The following PHKA1 variants were observed in gnomAD, a reference collection of about 807,000 sequenced individuals.
PHKA1 encodes phosphorylase b kinase regulatory subunit alpha, skeletal muscle isoform.
A neutral mutation model predicts 110.2 loss-of-function variants in PHKA1; 60 were observed. The observed-to-expected ratio is 0.54, with a 90% CI of 0.44 to 0.68. The LOEUF (loss-of-function observed/expected upper bound fraction) is 0.68, where lower values mean the gene tolerates loss of function less well. Ranked by LOEUF, PHKA1 falls within the 30% of genes least tolerant of loss-of-function variation. PHKA1 has a pLI of 0.00. For synonymous variants in PHKA1, 316 were observed against 333.6 expected, an observed-to-expected ratio of 0.95 and a Z score of 0.58; for missense variants, 801 against 942.5, an observed-to-expected ratio of 0.85 and a Z score of 1.97.
intron 14 of PHKA1, among the ~76,000 whole-genome samples, chrX:72,639,090 AC>A (rs781812443): frequency 8.9e-6 from 1 of 112,203 alleles, no homozygotes; most frequent in Non-Finnish European, 1.9e-5. Context: ...CTGAAAGTCT[AC>A]CTTTTTAGCT....
chrX:72,682,525 C>T (rs1190727441), intron 5 of PHKA1, among the ~76,000 whole-genome samples: 7 of 108,223 alleles, frequency 6.5e-5, no homozygotes, highest in Non-Finnish European at 1.4e-4. Context: ...GGATGGTTGC[C>T]GTGTCTGTGT....
At chrX:72,649,335 T>C (rs1194230984) in intron 13 of PHKA1, among the ~76,000 whole-genome samples, 3 of 111,863 alleles carry the variant, frequency 2.7e-5, no homozygotes, top group African/African-American at 9.7e-5. Context: ...TCAAGTCTTC[T>C]ACCCTAAGAG....
At chrX:72,612,582 C>A (rs1216464442) in intron 21 of PHKA1, among the ~76,000 whole-genome samples, 2 of 111,679 alleles carry the variant, frequency 1.8e-5, no homozygotes, top group Admixed American at 1.9e-4. Context: ...TGAATTCTGG[C>A]AACAATTCAA....
intron 25 of PHKA1, 34 bp downstream of exon 25, chrX:72,605,237 G>C: frequency 1.7e-6 from 2 of 1,147,059 alleles, no homozygotes; most frequent in Non-Finnish European, 2.4e-6. Flanking sequence ...CATCAAAAGT[G>C]AATTCCACCT....
At chrX:72,608,141 C>A (rs1442889399) in intron 23 of PHKA1, among the ~76,000 whole-genome samples, 2 of 111,295 alleles carry the variant, frequency 1.8e-5, no homozygotes, top group Admixed American at 9.5e-5. Context: ...TTAGTCAGCA[C>A]GTGATAAATC....
rs2052803141 is a variant in PHKA1 at position 72,611,115 on chromosome X, C to G, written c.2439G>C (p.Leu813=). The part of the protein sequence containing the change: ...SATVRELLTE[L]YGKVGEIRHW... ...GACGAATTTCTCCCACTTTGCCATA[C>G]AGCTCGGTAAGAAGCTCTCTCACTG... Residue 813 remains leucine (L), a synonymous_variant, in exon 22 of 32, where the codon CTG becomes CTC. Transcript: ENST00000373542. The G allele has an allele frequency of 8.3e-7, 1 of 1,202,621 alleles. No individual in the cohort carries two copies. Among genetic ancestry groups the G allele is most frequent in the Non-Finnish European group, 1.1e-6 (1 of 887,545 alleles).
rs1556284713 is a variant in PHKA1 at position 72,628,581 on chromosome X, A to AAT, written c.1715-1534_1715-1533dup. Among the ~76,000 whole-genome samples, 487 of 95,479 alleles carry AAT rather than the reference A, an allele frequency of 5.1e-3. 1 individual carries two copies. The highest frequency in any genetic ancestry group is 0.018 in the East Asian group (50 of 2,775). The allele number at this position is 95,479 out of a possible 115,157, so 82.9% of individuals were successfully genotyped here. ...ATATATATATATATATTCCCATATAAATATATATATATATATTTTTTTTTT... is the reference window on the plus strand; with the variant it reads ...ATATATATATATATATTCCCATATAAATATATATATATATATATTTTTTTTTT... On this transcript the variant is annotated intron_variant, in intron 16 of 31. Coordinates refer to ENST00000373542, the MANE Select transcript of PHKA1 (RefSeq NM_002637.4).
intron 8 of PHKA1, among the ~76,000 whole-genome samples, chrX:72,661,698 A>C (rs1194065382): frequency 3.3e-4 from 33 of 100,102 alleles, no homozygotes; most frequent in African/African-American, 1.1e-3. Context: ...CAAAAAAAAA[A>C]CCCTAGGCCA....
At chrX:72,685,660 CAAT>C (rs1169931941) in intron 4 of PHKA1, among the ~76,000 whole-genome samples, 3 of 111,781 alleles carry the variant, frequency 2.7e-5, no homozygotes, top group South Asian at 3.7e-4. Flanking sequence ...TCTTTTATAA[CAAT>C]AAATATTACT....
chrX:72,658,941 G>A (rs986842434), intron 8 of PHKA1, among the ~76,000 whole-genome samples: 6 of 111,820 alleles, frequency 5.4e-5, no homozygotes, highest in African/African-American at 1.3e-4. Flanking sequence ...GAGACTATTC[G>A]AACACCTTCG....
intron 18 of PHKA1, chrX:72,622,749 T>C: frequency 1.4e-6 from 1 of 735,647 alleles, no homozygotes. Flanking sequence ...TGCTTTTTAA[T>C]GTCAAAAAGC....
intron 13 of PHKA1, among the ~76,000 whole-genome samples, chrX:72,647,003 G>A (rs2053368429): frequency 9.1e-6 from 1 of 109,955 alleles, no homozygotes; most frequent in South Asian, 4.0e-4. Context: ...GTGGAGGTGC[G>A]TGCCTGTAAT....
intron 31 of PHKA1, among the ~76,000 whole-genome samples, chrX:72,581,500 C>A (rs2052337039): frequency 9.0e-6 from 1 of 111,661 alleles, no homozygotes; most frequent in Non-Finnish European, 1.9e-5. Context: ...CAAATGTTAA[C>A]ACAAATCACC....
intron 12 of PHKA1, 139 bp from the exon 13 acceptor site, chrX:72,650,607 A>C: frequency 1.9e-6 from 1 of 514,050 alleles, no homozygotes; most frequent in Non-Finnish European, 3.4e-6. Context: ...AAATGCCTTC[A>C]CTGTATGAAA....
chrX:72,658,016 T>G (rs1256624459), intron 8 of PHKA1, among the ~76,000 whole-genome samples: 1 of 112,152 alleles, frequency 8.9e-6, no homozygotes, highest in Admixed American at 9.4e-5. Flanking sequence ...ATAAGCTTTT[T>G]AAAAAAACAC....
chrX:72,625,212 G>A (rs1042810109), intron 17 of PHKA1, among the ~76,000 whole-genome samples: 4 of 111,673 alleles, frequency 3.6e-5, no homozygotes, highest in African/African-American at 1.3e-4. Context: ...CCCATAGTAA[G>A]CACAGTATCC....
At chrX:72,641,849 C>T (rs2053299980) in intron 14 of PHKA1, among the ~76,000 whole-genome samples, 1 of 111,388 alleles carries the variant, frequency 9.0e-6, no homozygotes, top group African/African-American at 3.3e-5. Context: ...CAGATGTTGC[C>T]TCATCTATCA....
chrX:72,711,965 T>C (rs1556334979), intron 2 of PHKA1: 1 of 111,555 alleles, frequency 9.0e-6, no homozygotes, highest in Non-Finnish European at 1.9e-5. Context: ...AGATGAAGAC[T>C]GGAGCTCAGA....
intron 14 of PHKA1, among the ~76,000 whole-genome samples, chrX:72,636,901 C>T (rs782600831): frequency 7.3e-4 from 81 of 111,153 alleles, no homozygotes; most frequent in African/African-American, 2.4e-3. Flanking sequence ...TTTAGTGTTG[C>T]TTTACTCTTA....
Sources: gnomAD v4.1 joint callset for allele counts (sites outside exome capture counted in the v4.1 genomes callset) on GRCh38, gnomAD v4.1.1 for gene constraint, MANE v1.5 for transcripts, NCBI Gene and HGNC (gene_info 2026-07-23, HGNC 2026-07-21) for gene names.